FAM76B: variants seen among roughly 807,000 people sequenced by gnomAD.
FAM76B encodes family with sequence similarity 76 member B.
FAM76B carries 16 observed loss-of-function variants against 51.8 expected under a neutral mutation model. That is an observed-to-expected ratio of 0.31 (90% CI 0.21 to 0.47). The LOEUF (loss-of-function observed/expected upper bound fraction) is 0.47. FAM76B is among the 20% of genes least tolerant of loss of function. The pLI, the probability that FAM76B is intolerant of heterozygous loss-of-function variation, is 1.00. For synonymous variants in FAM76B, 166 were observed against 129.5 expected (o/e 1.28, Z -1.91); for missense variants, 342 against 392.6 (o/e 0.87, Z 1.09).
chr11:95,772,804 A>G (rs1859827985), intron 9 of FAM76B, among the ~76,000 whole-genome samples: 1 of 151,042 alleles, frequency 6.6e-6, no homozygotes, highest in Non-Finnish European at 1.5e-5. Context: ...TTATTCTTCC[A>G]TTCCCCCACC....
At chr11:95,771,853 C>T (rs1486156738) in intron 9 of FAM76B, among the ~76,000 whole-genome samples, 1 of 150,788 alleles carries the variant, frequency 6.6e-6, no homozygotes, top group Non-Finnish European at 1.5e-5. Flanking sequence ...GCTCATCAGC[C>T]CCCTTTGTAT....
rs1223266453 is a variant in FAM76B at position 95,770,501 on chromosome 11, T to G, written c.*1060A>C. The G allele has an allele frequency of 6.6e-6, 1 of 151,712 alleles. No homozygotes were observed. Among genetic ancestry groups the G allele is most frequent in the Non-Finnish European group, 1.5e-5 (1 of 67,470 alleles). 9.4% of individuals were successfully genotyped at this position (151,712 alleles called of 1,614,324 possible). A position where few individuals can be genotyped will look rare whatever the true frequency, so the allele number is the denominator to read the frequency against. On this transcript the variant is annotated 3_prime_UTR_variant, in exon 10 of 10. Transcript: ENST00000358780. Reference sequence around the variant, plus strand: ...AGAAACATTAAAATTTTTAAAAAATTTTATAAAATATAAAGCAAAACATGT... The same window carrying G: ...AGAAACATTAAAATTTTTAAAAAATGTTATAAAATATAAAGCAAAACATGT...
Position 95,786,197 on chromosome 11 carries a change from T to C in FAM76B, c.285A>G (p.Lys95=), listed in dbSNP as rs748892350. The change falls in exon 4 of 10, where the codon AAA becomes AAG. Residue 95 remains lysine, a synonymous_variant. Coordinates refer to ENST00000358780, the MANE Select transcript of FAM76B (RefSeq NM_144664.5). ...TKCQRCTNSE[K]KYGPPQTCEQ... ...CACAGGTCTGAGGTGGTCCATACTT[T>C]TTTTCTGAATTTGTGCAACGCTGAC... is the stretch of plus-strand genomic sequence containing the variant. The C allele has an allele frequency of 6.2e-7, 1 of 1,614,186 alleles. No individual in the cohort carries two copies. Among genetic ancestry groups the C allele is most frequent in the Non-Finnish European group, 8.5e-7 (1 of 1,180,016 alleles).
At chr11:95,777,969 T>A (rs1028193061) in intron 8 of FAM76B, among the ~76,000 whole-genome samples, 1 of 151,508 alleles carries the variant, frequency 6.6e-6, no homozygotes, top group African/African-American at 2.4e-5. Context: ...TGGGCACTTA[T>A]ACATACCAGG....
chr11:95,776,072 C>A (rs765457286), intron 8 of FAM76B, 49 bp from the exon 9 acceptor site: 1 of 970,786 alleles, frequency 1.0e-6, no homozygotes, highest in Admixed American at 2.9e-5. Flanking sequence ...CACATACACA[C>A]ACACACCATT....
rs1026433114 is a variant in FAM76B, at chr11:95,770,012, A to G, written c.*1549T>C. 6.6e-6 allele frequency: 1 copy of G among 151,608 alleles called. No homozygotes were observed. The highest frequency in any genetic ancestry group is 6.6e-5 in the Admixed American group (1 of 15,170). The allele number at this position is 151,608 out of a possible 1,614,324, so 9.4% of individuals were successfully genotyped here. ...AGCCAATCTTTGATATGACATTCAC[A>G]ATCAATGCTTGTATAAAACAAAACC... On this transcript the variant is annotated 3_prime_UTR_variant, in exon 10 of 10. Transcript: ENST00000358780.
At position 95,778,875 on chromosome 11, in the gene FAM76B, G is replaced by A; in HGVS notation, c.775C>T (p.Leu259Phe). The change falls in exon 8 of 10, where the codon CTT becomes TTT. Residue 259 changes from leucine to phenylalanine, a missense_variant. Leu to Phe is a conservative substitution (Grantham distance 22). Transcript: ENST00000358780. ...TCTCTCTGCTGTAAGAGACGCTTAA[G>A]TGACATCACTTCTTCTTTCAATTGA... ...ISQLKEEVMS[L>F]KRLLQQRDQT... The A allele has an allele frequency of 1.2e-6, 2 of 1,610,844 alleles. No individual in the cohort carries two copies. Among genetic ancestry groups the A allele is most frequent in the Non-Finnish European group, 1.7e-6 (2 of 1,178,000 alleles).
At chr11:95,772,676 T>G (rs1370408407) in intron 9 of FAM76B, among the ~76,000 whole-genome samples, 1 of 151,144 alleles carries the variant, frequency 6.6e-6, no homozygotes, top group East Asian at 1.9e-4. Context: ...ATAGACAGAC[T>G]TTTTTAATCT....
At chr11:95,786,065 T>C in intron 4 of FAM76B, 54 bp downstream of exon 4, 14 of 1,570,194 alleles carry the variant, frequency 8.9e-6, no homozygotes, top group Non-Finnish European at 1.2e-5. Flanking sequence ...ATTTCCAACT[T>C]GTTTGGCATT....
chr11:95,780,509 T>G (rs1860211983), intron 5 of FAM76B, among the ~76,000 whole-genome samples: 1 of 151,924 alleles, frequency 6.6e-6, no homozygotes, highest in Non-Finnish European at 1.5e-5. Flanking sequence ...AACAAATTAT[T>G]TTACTTTTAC....
At position 95,787,671 on chromosome 11, in the gene FAM76B, T is replaced by G. The variant is rs957825083; in HGVS notation, c.160A>C (p.Asn54His). 2 of 1,606,908 alleles carry G rather than the reference T, an allele frequency of 1.2e-6. No homozygotes were observed. The highest frequency in any genetic ancestry group is 1.7e-6 in the Non-Finnish European group (2 of 1,175,298). Residue 54 changes from asparagine (N) to histidine (H), a missense_variant, in exon 3 of 10, where the codon AAC becomes CAC. By Grantham distance (68) the Asn-to-His change is moderately conservative. This residue lies in a region of FAM76B where 96 missense variants were observed against 94.7 expected (regional missense o/e 1.01). Transcript: ENST00000358780. The part of the protein sequence containing the change: ...RSEFQQESKT[N>H]TICKKCAQNV... Reference sequence around the variant, plus strand: ...TGAGCACACTTCTTACAAATTGTGTTAGTTTTGCTGAAAAATAAATTGTAT... The same window carrying G: ...TGAGCACACTTCTTACAAATTGTGTGAGTTTTGCTGAAAAATAAATTGTAT...
chr11:95,771,568 G>A lies in FAM76B; in HGVS notation c.1013C>T (p.Ser338Phe), dbSNP rs369049259. 2 of 1,603,488 alleles carry A rather than the reference G, an allele frequency of 1.2e-6. No homozygotes were observed. The highest frequency in any genetic ancestry group is 2.7e-5 in the African/African-American group (2 of 74,370). ...GCTAAACAAATGACTTTCTCAAGGA[G>A]ATGTTAGTATGCTTCCACTTTTGTC... is the stretch of plus-strand genomic sequence containing the variant. The part of the protein sequence containing the change: ...KFDKSGSILT[S>F]P Residue 338 changes from serine to phenylalanine, a missense_variant, in exon 10 of 10, where the codon TCT (serine) becomes TTT (phenylalanine). Transcript: ENST00000358780.
In FAM76B at chr11:95,776,435, TAAAG is replaced by T. The variant is rs1399647235; in HGVS notation, c.829-416_829-413del. 4.0e-5 allele frequency among the ~76,000 whole-genome samples: 6 copies of T among 151,614 alleles called. No homozygotes were observed. In the East Asian group the frequency reaches 5.8e-4, roughly 15 times the overall value. On this transcript the variant is annotated intron_variant, in intron 8 of 9. Transcript: ENST00000358780. ...ATGCGTAAAATAATCTTTCAATGCT[TAAAG>T]AAAGAAATTTCACACTGGGTAATAT...
At chr11:95,783,847 C>T (rs1314335483) in intron 4 of FAM76B, among the ~76,000 whole-genome samples, 1 of 152,212 alleles carries the variant, frequency 6.6e-6, no homozygotes, top group Non-Finnish European at 1.5e-5. Flanking sequence ...CACACATTCT[C>T]AGCTGAGGTG....
chr11:95,780,397 T>C (rs1860204173), intron 5 of FAM76B, among the ~76,000 whole-genome samples: 1 of 151,966 alleles, frequency 6.6e-6, no homozygotes. Flanking sequence ...ATTTCTTTGA[T>C]TCTTTCCTAG....
intron 4 of FAM76B, among the ~76,000 whole-genome samples, chr11:95,785,045 G>A (rs980073090): frequency 2.0e-5 from 3 of 152,116 alleles, no homozygotes; most frequent in African/African-American, 7.2e-5. Context: ...CCTATCTACA[G>A]TTTTAGTTAC....
At chr11:95,788,644 C>T (rs1860752251) in intron 1 of FAM76B, 81 bp from the exon 2 acceptor site, 2 of 1,407,942 alleles carry the variant, frequency 1.4e-6, no homozygotes, top group East Asian at 4.6e-5. Context: ...GTTTACCCAA[C>T]CTAGTGAAAG....
chr11:95,788,751 G>A (rs1454777764), intron 1 of FAM76B, 188 bp from the exon 2 acceptor site: 6 of 1,342,108 alleles, frequency 4.5e-6, no homozygotes, highest in African/African-American at 1.5e-5. Context: ...GAAGGCACAG[G>A]TGTCTTTGTC....
chr11:95,787,567 A>G, intron 3 of FAM76B, 57 bp downstream of exon 3: 1 of 1,542,178 alleles, frequency 6.5e-7, no homozygotes, highest in East Asian at 2.3e-5. Flanking sequence ...TAAAAGGTCC[A>G]GCTTTATGAA....
Sources: allele counts gnomAD v4.1 joint callset (sites outside exome capture counted in the v4.1 genomes callset), GRCh38; gene constraint gnomAD v4.1.1; regional missense constraint gnomAD v4.1.1; transcripts MANE v1.5; gene names NCBI Gene and HGNC (gene_info 2026-07-23, HGNC 2026-07-21).